KMT2B: variants seen among roughly 807,000 people sequenced by gnomAD.
KMT2B encodes lysine methyltransferase 2B, also known as histone-lysine N-methyltransferase 2B.
A neutral mutation model predicts 255.3 loss-of-function variants in KMT2B; 22 were observed. The ratio of observed to expected loss-of-function variants is 0.09; its 90% confidence interval spans 0.06 to 0.12. KMT2B has a LOEUF of 0.12. KMT2B is among the 10% of genes least tolerant of loss of function. KMT2B has a pLI of 1.00. For missense variants in KMT2B, 3,149 were observed against 3,737.0 expected, an observed-to-expected ratio of 0.84 and a Z score of 4.10; for synonymous variants, 1,730 against 1,498.1, an observed-to-expected ratio of 1.15 and a Z score of -3.57.
chr19:35,737,031 C>T lies in KMT2B; in HGVS notation c.7372+45C>T, dbSNP rs367959587. 77 of 1,609,430 alleles carry T rather than the reference C, an allele frequency of 4.8e-5. No homozygotes were observed. The highest frequency in any genetic ancestry group is 3.3e-4 in the South Asian group (30 of 90,600). On this transcript the variant is annotated intron_variant, in intron 32 of 36. Coordinates refer to ENST00000420124, the MANE Select transcript of KMT2B (RefSeq NM_014727.3). The surrounding 1 kb of genome is among the most constrained non-coding windows in gnomAD (Gnocchi z 5.3). ...GGGGGCAGGGAGCTGGATGTCTCCC[C>T]GAGGGCACCATGGGCCCTCCACATG... is the stretch of plus-strand genomic sequence containing the variant.
At chr19:35,722,071 C>T (rs1317664851) in intron 3 of KMT2B, among the ~76,000 whole-genome samples, 1 of 149,136 alleles carries the variant, frequency 6.7e-6, no homozygotes, top group Non-Finnish European at 1.5e-5. Flanking sequence ...GTGGCGTGAT[C>T]TCGGCTCACT....
In KMT2B at chr19:35,721,051, C is replaced by T. The variant is rs1969175725; in HGVS notation, c.1704C>T (p.Thr568=). ...CACCTGTCCTGCGACCTCCCATTAC[C>T]ACCTCCCCACCTGTTCCCCAGGAGC... is the stretch of plus-strand genomic sequence containing the variant. The part of the protein sequence containing the change: ...EVSPVLRPPI[T]TSPPVPQEPA... The change falls in exon 3 of 37, where the codon ACC becomes ACT. Residue 568 remains threonine (T), a synonymous_variant. Transcript: ENST00000420124. 1.2e-6 allele frequency: 2 copies of T among 1,609,878 alleles called. No homozygotes were observed. The highest frequency in any genetic ancestry group is 1.7e-6 in the Non-Finnish European group (2 of 1,178,532).
chr19:35,724,820 C>T, intron 9 of KMT2B, 89 bp downstream of exon 9: 1 of 1,274,650 alleles, frequency 7.8e-7, no homozygotes, highest in Non-Finnish European at 1.1e-6. Context: ...CGTGGTGTGT[C>T]CACATGAGAG....
intron 18 of KMT2B, 50 bp downstream of exon 18, chr19:35,728,035 C>A (rs908516342): frequency 4.5e-6 from 7 of 1,550,916 alleles, no homozygotes; most frequent in African/African-American, 1.4e-5. Context: ...GACCTTCAGA[C>A]CCTGCCCCTG....
rs907225192 is a variant in KMT2B at position 35,720,548 on chromosome 19, C to G, written c.1201C>G (p.Leu401Val). 1.9e-6 allele frequency: 3 copies of G among 1,545,896 alleles called. No homozygotes were observed. The African/African-American group carries it at 4.1e-5, about 21-fold the overall frequency. ...MPAAEKEEAK[L>V]PPPPLTPPAP... Reference sequence around the variant, plus strand: ...AGCTGCGGAAAAGGAAGAGGCAAAGCTGCCACCACCGCCTCTGACTCCTCC... The same window carrying G: ...AGCTGCGGAAAAGGAAGAGGCAAAGGTGCCACCACCGCCTCTGACTCCTCC... The change falls in exon 3 of 37, where the codon CTG (leucine) becomes GTG (valine). Residue 401 changes from leucine to valine, a missense_variant. This residue lies in a region of KMT2B where 1,188 missense variants were observed against 1,106.4 expected (regional missense o/e 1.07). Coordinates refer to ENST00000420124, the MANE Select transcript of KMT2B (RefSeq NM_014727.3).
At position 35,736,717 on chromosome 19, in the gene KMT2B, C is replaced by G; in HGVS notation, c.7187C>G (p.Pro2396Arg). 1 of 1,613,956 alleles carries G rather than the reference C, an allele frequency of 6.2e-7. No individual in the cohort carries two copies. Among genetic ancestry groups the G allele is most frequent in the Non-Finnish European group, 8.5e-7 (1 of 1,179,870 alleles). Residue 2396 changes from proline to arginine, a missense_variant, in exon 31 of 37, where the codon CCT becomes CGT. Pro to Arg is a moderately radical substitution (Grantham distance 103). Coordinates refer to ENST00000420124, the MANE Select transcript of KMT2B (RefSeq NM_014727.3). ...GAGGCTTCGAGCTCTGAGGAAGAGC[C>G]TCCATCCCCAGATGATAAAGAGAAC... ...SGEASSSEEE[P>R]PSPDDKENQA...
chr19:35,732,159 T>G (rs780542575), intron 27 of KMT2B, 24 bp downstream of exon 27: 2 of 1,573,956 alleles, frequency 1.3e-6, no homozygotes, highest in Non-Finnish European at 1.7e-6. Context: ...ATGTGGGGGT[T>G]GGGGGTGGAG....
intron 26 of KMT2B, among the ~76,000 whole-genome samples, chr19:35,731,467 G>A (rs1568379620): frequency 2.6e-5 from 4 of 152,310 alleles, no homozygotes; most frequent in South Asian, 2.1e-4. Context: ...CACCCATCCC[G>A]TCTGGAAACC....
rs1568379893 is a variant in KMT2B at position 35,731,926 on chromosome 19, A to G, written c.5456A>G (p.Asp1819Gly). ...TCTTCAGAGCCCCCAGGTGGTGAGG[A>G]CCCCCCACTGGACACAGATGTTCTT... is the stretch of plus-strand genomic sequence containing the variant. ...APSSEPPGGE[D>G]PPLDTDVLVP... is the part of the protein sequence containing the mutation. Residue 1819 changes from aspartate (D) to glycine (G), a missense_variant, in exon 27 of 37, where the codon GAC (aspartate) becomes GGC (glycine). Physicochemically the swap from Asp to Gly is moderately conservative, Grantham distance 94. Transcript: ENST00000420124. 1 of 1,612,594 alleles carries G rather than the reference A, an allele frequency of 6.2e-7. No individual in the cohort carries two copies. The highest frequency in any genetic ancestry group is 8.5e-7 in the Non-Finnish European group (1 of 1,179,352).
chr19:35,732,339 CCCT>C lies in KMT2B; in HGVS notation c.5795_5797del (p.Pro1932del), dbSNP rs755654210. 41 of 1,611,466 alleles carry C rather than the reference CCCT, an allele frequency of 2.5e-5. No individual in the cohort carries two copies. Among genetic ancestry groups the C allele is most frequent in the African/African-American group, 4.0e-5 (3 of 74,824 alleles). On this transcript the variant is annotated inframe_deletion, in exon 28 of 37. Coordinates refer to ENST00000420124, the MANE Select transcript of KMT2B (RefSeq NM_014727.3). ...GGCCGCCTCCATCACGGTGGGCCTCCCCTCCTCTAAAAACCTCCCCTCAGCTCA... is the reference window on the plus strand; with the variant it reads ...GGCCGCCTCCATCACGGTGGGCCTCCCCTCTAAAAACCTCCCCTCAGCTCA...
intron 30 of KMT2B, chr19:35,735,533 C>G (rs1429674532): frequency 6.6e-6 from 1 of 152,640 alleles, no homozygotes; most frequent in African/African-American, 2.4e-5. Context: ...TGCTCACTCC[C>G]AGGGGCTCCC....
intron 5 of KMT2B, 76 bp downstream of exon 5, chr19:35,722,794 GGA>G: frequency 6.6e-7 from 1 of 1,510,954 alleles, no homozygotes; most frequent in Non-Finnish European, 8.8e-7. Flanking sequence ...CAAGAGCCTA[GGA>G]GAGAGGGAGC....
Position 35,733,229 on chromosome 19 carries a change from C to A in KMT2B, c.6680C>A (p.Thr2227Lys), listed in dbSNP as rs200908859. 1 of 1,490,492 alleles carries A rather than the reference C, an allele frequency of 6.7e-7. No homozygotes were observed. The highest frequency in any genetic ancestry group is 9.1e-7 in the Non-Finnish European group (1 of 1,094,440). 92.3% of individuals were successfully genotyped at this position (1,490,492 alleles called of 1,614,324 possible). Residue 2227 changes from threonine (T) to lysine (K), a missense_variant, in exon 28 of 37, where the codon ACG becomes AAG. Transcript: ENST00000420124. This position sits in a 1 kb window ranked among gnomAD's most constrained non-coding sequence, Gnocchi z 4.3. ...QPPLPPTISPTAPTSWTLPPG... is the reference protein window; with the variant it reads ...QPPLPPTISPKAPTSWTLPPG... ...CCTTTGCCCCCCACCATTTCCCCCA[C>A]GGCTCCCACCTCCTGGACTCTGCCC...
chr19:35,737,040 C>G lies in KMT2B; in HGVS notation c.7373-46C>G. ...GAGCTGGATGTCTCCCCGAGGGCAC[C>G]ATGGGCCCTCCACATGACAGGTGTG... On this transcript the variant is annotated intron_variant, in intron 32 of 36. Coordinates refer to ENST00000420124, the MANE Select transcript of KMT2B (RefSeq NM_014727.3). This position sits in a 1 kb window ranked among gnomAD's most constrained non-coding sequence, Gnocchi z 5.3. 1 of 1,609,152 alleles carries G rather than the reference C, an allele frequency of 6.2e-7. No individual in the cohort carries two copies. Among genetic ancestry groups the G allele is most frequent in the South Asian group, 1.1e-5 (1 of 90,574 alleles).
rs1396641436 is a variant in KMT2B, at chr19:35,738,016, T to C, written c.7743-46T>C. On this transcript the variant is annotated intron_variant, in intron 35 of 36. Transcript: ENST00000420124. This position sits in a 1 kb window ranked among gnomAD's most constrained non-coding sequence, Gnocchi z 8.7. ...CACTGGGTAGGGGGTACTGTCTGGT[T>C]TCTGTCCCCCTCCCCCCTGAGTTCC... The C allele has an allele frequency of 3.1e-6, 5 of 1,613,192 alleles. No individual in the cohort carries two copies. In the South Asian group the frequency reaches 5.5e-5, roughly 18 times the overall value.
In KMT2B at chr19:35,727,690, C is replaced by T; in HGVS notation, c.4303-8C>T. 1 of 1,613,646 alleles carries T rather than the reference C, an allele frequency of 6.2e-7. No individual in the cohort carries two copies. The highest frequency in any genetic ancestry group is 1.1e-5 in the South Asian group (1 of 91,092). On this transcript the variant is annotated splice_polypyrimidine_tract_variant and splice_region_variant and intron_variant, in intron 16 of 36. Transcript: ENST00000420124. The surrounding 1 kb of genome is among the most constrained non-coding windows in gnomAD (Gnocchi z 4.2). ...ACCCCCAGCCCTGCTAACTTCCCCGCTTTGCAGTGTGGGCCAGATGGGAAG... is the reference window on the plus strand; with the variant it reads ...ACCCCCAGCCCTGCTAACTTCCCCGTTTTGCAGTGTGGGCCAGATGGGAAG...
In KMT2B at chr19:35,721,096, A is replaced by G. The variant is rs1310470578; in HGVS notation, c.1749A>G (p.Pro583=). 2 of 1,575,062 alleles carry G rather than the reference A, an allele frequency of 1.3e-6. No individual in the cohort carries two copies. The highest frequency in any genetic ancestry group is 3.1e-5 in the African/African-American group (2 of 64,266). Residue 583 remains proline, a synonymous_variant, in exon 3 of 37, where the codon CCA becomes CCG. Transcript: ENST00000420124. The part of the protein sequence containing the change: ...VPQEPAPVPS[P]PRAPTPPSTP... ...AGGAGCCAGCACCAGTCCCCTCTCC[A>G]CCACGTGCCCCAACTCCTCCATCTA...
rs1969189340 is a variant in KMT2B, at chr19:35,721,228, TCCCCCGGCCCCCTCCCCA to T, written c.1887_1904del (p.Ser632_Pro637del). On this transcript the variant is annotated inframe_deletion, in exon 3 of 37. Transcript: ENST00000420124. ...CCCCTCCTCCCCCAGCCCCTCCACC[TCCCCCGGCCCCCTCCCCA>T]CCCCCTGCTCCTGCCACCTCCTCCC... The T allele has an allele frequency of 5.4e-6, 1 of 184,928 alleles. No individual in the cohort carries two copies. The highest frequency in any genetic ancestry group is 1.1e-4 in the African/African-American group (1 of 9,170). 11.5% of individuals were successfully genotyped at this position (184,928 alleles called of 1,614,324 possible). A position where few individuals can be genotyped will look rare whatever the true frequency, so the allele number is the denominator to read the frequency against.
At chr19:35,728,013 G>T in intron 18 of KMT2B, 28 bp downstream of exon 18, 1 of 1,547,076 alleles carries the variant, frequency 6.5e-7, no homozygotes, top group Non-Finnish European at 8.8e-7. Flanking sequence ...TGCTTGTGGG[G>T]TGGGGGAGTG....
Sources: gnomAD v4.1 joint callset for allele counts (sites outside exome capture counted in the v4.1 genomes callset) on GRCh38, gnomAD v4.1.1 for gene constraint, gnomAD v4.1.1 regional missense constraint, Gnocchi (gnomAD v3.1) non-coding constraint, MANE v1.5 for transcripts, NCBI Gene and HGNC (gene_info 2026-07-23, HGNC 2026-07-21) for gene names.